Variants in DPYS observed in about 807,000 individuals in gnomAD.
The protein encoded by DPYS is dihydropyrimidine amidohydrolase.
In DPYS, 39 loss-of-function variants were observed where a neutral mutation model predicts 50.3. The ratio of observed to expected loss-of-function variants is 0.78; its 90% CI spans 0.60 to 1.01. The LOEUF is 1.01. Ranked by LOEUF, DPYS falls within the 50% of genes least tolerant of loss-of-function variation. The pLI is 0.00. For synonymous variants in DPYS, 245 were observed against 250.7 expected, an observed-to-expected ratio of 0.98 and a Z score of 0.22; for missense variants, 659 against 680.9, an observed-to-expected ratio of 0.97 and a Z score of 0.36.
intron 1 of DPYS, among the ~76,000 whole-genome samples, chr8:104,458,505 G>A (rs1156533374): frequency 5.9e-5 from 9 of 152,260 alleles, no homozygotes; most frequent in East Asian, 1.9e-4. Context: ...TATAGAAAGC[G>A]TTTACCCCAT....
chr8:104,409,195 A>AT (rs1344986146), intron 7 of DPYS, among the ~76,000 whole-genome samples: 1 of 151,340 alleles, frequency 6.6e-6, no homozygotes, highest in African/African-American at 2.4e-5. Flanking sequence ...CACAAACTAA[A>AT]TGTGCAGGGC....
intron 7 of DPYS, among the ~76,000 whole-genome samples, chr8:104,399,866 CAAAAA>C (rs57562204): frequency 5.7e-5 from 3 of 52,532 alleles, no homozygotes; most frequent in Non-Finnish European, 9.4e-5. Flanking sequence ...GACTCCGTCT[CAAAAA>C]AAAAAAAAAA....
At chr8:104,417,690 G>A (rs545711089) in intron 7 of DPYS, among the ~76,000 whole-genome samples, 2 of 152,250 alleles carry the variant, frequency 1.3e-5, no homozygotes, top group East Asian at 1.9e-4. Flanking sequence ...CTTTATTTCC[G>A]AAAAAGGTGA....
intron 7 of DPYS, among the ~76,000 whole-genome samples, chr8:104,403,910 A>C (rs1438793634): frequency 6.6e-6 from 1 of 152,190 alleles, no homozygotes; most frequent in Non-Finnish European, 1.5e-5. Flanking sequence ...CCTAAGAATC[A>C]AGACCTGGCC....
At chr8:104,382,460 GACC>G (rs1811085586) in intron 8 of DPYS, among the ~76,000 whole-genome samples, 1 of 151,580 alleles carries the variant, frequency 6.6e-6, no homozygotes. Context: ...TACCACCTTG[GACC>G]ACCACATCTG....
intron 4 of DPYS, among the ~76,000 whole-genome samples, chr8:104,433,374 C>T (rs761559575): frequency 1.3e-5 from 2 of 152,120 alleles, no homozygotes; most frequent in African/African-American, 2.4e-5. Context: ...TGTAAATTAT[C>T]TTGTTCTAAA....
intron 8 of DPYS, among the ~76,000 whole-genome samples, chr8:104,382,812 A>G (rs1369944218): frequency 6.6e-6 from 1 of 152,062 alleles, no homozygotes; most frequent in African/African-American, 2.4e-5. Context: ...AGCCGATGGT[A>G]TATTTCAGTT....
rs570255506 is a variant in DPYS at position 104,444,009 on chromosome 8, G to A, written c.793+239C>T. ...AAAGGAAATGTCCTGGGGTCGCAAG[G>A]ATGGAGAAGAAATAACAAATAAAAC... On this transcript the variant is annotated intron_variant, in intron 4 of 9. Coordinates refer to ENST00000351513, the MANE Select transcript of DPYS (RefSeq NM_001385.3). Among the ~76,000 whole-genome samples, 847 of 152,288 alleles carry A rather than the reference G, an allele frequency of 5.6e-3. 6 individuals carry two copies. Among genetic ancestry groups the A allele is most frequent in the Non-Finnish European group, 9.4e-3 (638 of 68,028 alleles).
chr8:104,462,521 T>C (rs1814206738), intron 1 of DPYS, among the ~76,000 whole-genome samples: 1 of 152,134 alleles, frequency 6.6e-6, no homozygotes, highest in African/African-American at 2.4e-5. Context: ...TTTTGTCCTT[T>C]ACAATAAAGA....
At chr8:104,435,734 G>A (rs532818816) in intron 4 of DPYS, among the ~76,000 whole-genome samples, 2 of 152,056 alleles carry the variant, frequency 1.3e-5, no homozygotes, top group African/African-American at 4.8e-5. Flanking sequence ...CTCAGGCTTT[G>A]GATGCACTGA....
Position 104,429,620 on chromosome 8 carries a change from G to A in DPYS, c.875C>T (p.Ala292Val), listed in dbSNP as rs1241540663. Reference sequence around the variant, plus strand: ...AGGTGGACCCATGACATGGTGGGCTGCATGGTGCCATTCTTTATTCCAGTA... The same window carrying A: ...AGGTGGACCCATGACATGGTGGGCTACATGGTGCCATTCTTTATTCCAGTA... ...THYWNKEWHH[A>V]AHHVMGPPLR... is the part of the protein sequence containing the mutation. Residue 292 changes from alanine (A) to valine (V), a missense_variant, in exon 5 of 10, where the codon GCA (alanine) becomes GTA (valine). Coordinates refer to ENST00000351513, the MANE Select transcript of DPYS (RefSeq NM_001385.3). The A allele has an allele frequency of 1.9e-6, 3 of 1,614,048 alleles. No individual in the cohort carries two copies. In the African/African-American group the frequency reaches 4.0e-5, roughly 22 times the overall value.
intron 4 of DPYS, among the ~76,000 whole-genome samples, chr8:104,440,470 C>T (rs1042788357): frequency 1.3e-5 from 2 of 152,066 alleles, no homozygotes; most frequent in African/African-American, 4.8e-5. Flanking sequence ...GAGTCAAGGC[C>T]CTTGAAGACA....
Position 104,386,133 on chromosome 8 carries a change from T to C in DPYS, c.1444-4819A>G, listed in dbSNP as rs377062817. Among the ~76,000 whole-genome samples the C allele has an allele frequency of 1.6e-4, 25 of 152,350 alleles. No individual in the cohort carries two copies. In the East Asian group the frequency reaches 4.6e-3, roughly 28 times the overall value. Reference sequence around the variant, plus strand: ...AAATGAAAATTATATAATTTGTGGTTCTATAAATAAACATTAATTCCAATT... The same window carrying C: ...AAATGAAAATTATATAATTTGTGGTCCTATAAATAAACATTAATTCCAATT... On this transcript the variant is annotated intron_variant, in intron 8 of 9. Transcript: ENST00000351513.
At position 104,409,581 on chromosome 8, in the gene DPYS, C is replaced by T. The variant is rs1812106854; in HGVS notation, c.1235+14666G>A. On this transcript the variant is annotated intron_variant, in intron 7 of 9. Coordinates refer to ENST00000351513, the MANE Select transcript of DPYS (RefSeq NM_001385.3). ...ATGAAACTGTGATTGACAAAACAAA[C>T]TGAAATTTGGGATAGTTGAATTTTT... is the stretch of plus-strand genomic sequence containing the variant. Among the ~76,000 whole-genome samples, 3 of 152,180 alleles carry T rather than the reference C, an allele frequency of 2.0e-5. No individual in the cohort carries two copies. The South Asian group carries it at 6.2e-4, about 32-fold the overall frequency.
chr8:104,432,890 A>G (rs1032870087), intron 4 of DPYS, among the ~76,000 whole-genome samples: 1 of 152,214 alleles, frequency 6.6e-6, no homozygotes, highest in Non-Finnish European at 1.5e-5. Context: ...TCCTCTGCCC[A>G]AATCCACATG....
chr8:104,385,523 C>G (rs899349136), intron 8 of DPYS, among the ~76,000 whole-genome samples: 3 of 152,186 alleles, frequency 2.0e-5, no homozygotes, highest in Non-Finnish European at 4.4e-5. Context: ...ACCTTGACAG[C>G]AATTCTTTCC....
intron 3 of DPYS, among the ~76,000 whole-genome samples, chr8:104,446,741 A>T (rs1461100140): frequency 1.3e-5 from 2 of 152,230 alleles, no homozygotes; most frequent in African/African-American, 2.4e-5. Flanking sequence ...TTAAAAAAAA[A>T]GTCAGCTAAT....
Position 104,392,819 on chromosome 8 carries a change from C to T in DPYS, c.1408G>A (p.Glu470Lys). 2 of 1,614,170 alleles carry T rather than the reference C, an allele frequency of 1.2e-6. No homozygotes were observed. The highest frequency in any genetic ancestry group is 8.5e-7 in the Non-Finnish European group (1 of 1,180,020). The change falls in exon 8 of 10, where the codon GAA (glutamate) becomes AAA (lysine). Residue 470 changes from glutamate (E) to lysine (K), a missense_variant. Physicochemically the swap from Glu to Lys is moderately conservative, Grantham distance 56 (BLOSUM62 1). Coordinates refer to ENST00000351513, the MANE Select transcript of DPYS (RefSeq NM_001385.3). ...TGCTTTATTCGTTTGTAAATATATT[C>T]AGCAAATGGTTTTCGAGGAATAAAC... Reference protein sequence around the residue: ...GKFIPRKPFAEYIYKRIKQRD... With the variant: ...GKFIPRKPFAKYIYKRIKQRD...
intron 1 of DPYS, among the ~76,000 whole-genome samples, chr8:104,461,283 C>A (rs1456452006): frequency 2.6e-5 from 2 of 77,846 alleles, no homozygotes; most frequent in African/African-American, 9.4e-5. Flanking sequence ...GAGAGTGAGA[C>A]CCTGTCTCAA....
Sources: gnomAD v4.1 joint callset for allele counts (sites outside exome capture counted in the v4.1 genomes callset) on GRCh38, gnomAD v4.1.1 for gene constraint, MANE v1.5 for transcripts, NCBI Gene and HGNC (gene_info 2026-07-23, HGNC 2026-07-21) for gene names.